Variants in SLC26A3 observed in about 807,000 individuals in gnomAD.
The protein encoded by SLC26A3 is chloride anion exchanger.
Under a neutral mutation model 85.6 loss-of-function variants are expected in SLC26A3, and 64 were observed. The ratio of observed to expected loss-of-function variants is 0.75; its 90% CI spans 0.61 to 0.92. The LOEUF (loss-of-function observed/expected upper bound fraction) is 0.92. SLC26A3 is among the 40% of genes least tolerant of loss of function. The pLI, the probability that SLC26A3 is intolerant of heterozygous loss-of-function variation, is 0.00. For missense variants in SLC26A3, 922 were observed against 927.3 expected, an observed-to-expected ratio of 0.99 and a Z score of 0.07; for synonymous variants, 349 against 336.0, an observed-to-expected ratio of 1.04 and a Z score of -0.42.
intron 13 of SLC26A3, 129 bp from the exon 14 acceptor site, chr7:107,776,835 T>C: frequency 1.2e-6 from 1 of 821,040 alleles, no homozygotes; most frequent in Non-Finnish European, 2.0e-6. Context: ...GGAATCATCA[T>C]GCCATCAGAG....
chr7:107,800,143 A>G (rs1057351856), intron 1 of SLC26A3, among the ~76,000 whole-genome samples: 8 of 152,190 alleles, frequency 5.3e-5, no homozygotes, highest in Non-Finnish European at 1.2e-4. Flanking sequence ...CTCTGTACAC[A>G]TGATTTCCTT....
intron 1 of SLC26A3, among the ~76,000 whole-genome samples, chr7:107,797,739 C>G (rs1794533311): frequency 1.4e-5 from 1 of 70,538 alleles, no homozygotes; most frequent in African/African-American, 8.3e-5. Flanking sequence ...TTGAGCAGGA[C>G]CTTTTTTTTT....
intron 11 of SLC26A3, among the ~76,000 whole-genome samples, chr7:107,781,215 T>G (rs1004414314): frequency 1.5e-4 from 23 of 152,252 alleles, no homozygotes; most frequent in Non-Finnish European, 2.8e-4. Context: ...GCATTTGATA[T>G]AAAGGATTAA....
At chr7:107,784,883 T>A (rs973335716) in intron 8 of SLC26A3, among the ~76,000 whole-genome samples, 5 of 152,250 alleles carry the variant, frequency 3.3e-5, no homozygotes, top group African/African-American at 1.2e-4. Context: ...ACTGTTTCAA[T>A]GAGCACTTTT....
rs1794444842 is a variant in SLC26A3 at position 107,793,756 on chromosome 7, A to G, written c.257T>C (p.Val86Ala). 1.2e-6 allele frequency: 2 copies of G among 1,613,968 alleles called. No individual in the cohort carries two copies. The highest frequency in any genetic ancestry group is 2.7e-5 in the African/African-American group (2 of 74,920). The change falls in exon 3 of 21, where the codon GTG becomes GCG. Residue 86 changes from valine to alanine, a missense_variant. Transcript: ENST00000340010. Reference sequence around the variant, plus strand: ...AAAAATTTTACCTTGTAGTACGGCCACAATCCCTGTGCTGATACCAGAAAC... The same window carrying G: ...AAAAATTTTACCTTGTAGTACGGCCGCAATCCCTGTGCTGATACCAGAAAC... ...DIVSGISTGI[V>A]AVLQGLAFAL...
intron 5 of SLC26A3, among the ~76,000 whole-genome samples, chr7:107,790,210 TC>T (rs897367795): frequency 3.3e-5 from 5 of 152,012 alleles, no homozygotes; most frequent in Admixed American, 6.6e-5. Context: ...GATGGTTAAT[TC>T]CCCCCTAAAG....
At chr7:107,772,255 C>T (rs1584401658) in intron 17 of SLC26A3, 147 bp from the exon 18 acceptor site, 1 of 634,480 alleles carries the variant, frequency 1.6e-6, no homozygotes, top group Non-Finnish European at 2.8e-6. Flanking sequence ...TCAGAAGATA[C>T]TAAAGTTAAA....
intron 17 of SLC26A3, among the ~76,000 whole-genome samples, chr7:107,773,702 C>G (rs1794062226): frequency 6.6e-6 from 1 of 152,168 alleles, no homozygotes; most frequent in South Asian, 2.1e-4. Context: ...AGGTGCACGC[C>G]ACCACACCCA....
chr7:107,779,500 A>G (rs949224498), intron 12 of SLC26A3, among the ~76,000 whole-genome samples, 168 bp downstream of exon 12: 6 of 152,230 alleles, frequency 3.9e-5, no homozygotes, highest in Non-Finnish European at 5.9e-5. Context: ...GAAAATGACC[A>G]TTAGAATATG....
At chr7:107,766,635 G>C (rs955235759) in intron 20 of SLC26A3, among the ~76,000 whole-genome samples, 1 of 151,898 alleles carries the variant, frequency 6.6e-6, no homozygotes, top group African/African-American at 2.4e-5. Context: ...TTTTCATTTT[G>C]ACTAGAAATT....
At chr7:107,791,799 T>C in intron 4 of SLC26A3, 31 bp downstream of exon 4, 1 of 1,332,316 alleles carries the variant, frequency 7.5e-7, no homozygotes, top group Non-Finnish European at 1.1e-6. Flanking sequence ...AAAAACAATG[T>C]GAGCATTAAT....
At chr7:107,766,946 G>T (rs1793927500) in intron 20 of SLC26A3, among the ~76,000 whole-genome samples, 1 of 151,748 alleles carries the variant, frequency 6.6e-6, no homozygotes, top group African/African-American at 2.4e-5. Flanking sequence ...TTGAGATAAT[G>T]AATGTAATAC....
intron 1 of SLC26A3, among the ~76,000 whole-genome samples, chr7:107,795,585 T>C (rs937228546): frequency 6.6e-6 from 1 of 152,210 alleles, no homozygotes; most frequent in African/African-American, 2.4e-5. Context: ...TTGGAAATAC[T>C]TTTTCTTGGG....
intron 20 of SLC26A3, among the ~76,000 whole-genome samples, chr7:107,766,351 C>T (rs1584398376): frequency 6.6e-6 from 1 of 152,046 alleles, no homozygotes; most frequent in Admixed American, 6.6e-5. Context: ...CTATTCCTAC[C>T]CTTTATCCTC....
At position 107,776,391 on chromosome 7, in the gene SLC26A3, A is replaced by G; in HGVS notation, c.1677+61T>C. 2.3e-6 allele frequency: 3 copies of G among 1,321,364 alleles called. No individual in the cohort carries two copies. The South Asian group carries it at 3.5e-5, about 16-fold the overall frequency. 81.9% of individuals were successfully genotyped at this position (1,321,364 alleles called of 1,614,324 possible). A position where few individuals can be genotyped will look rare whatever the true frequency, so the allele number is the denominator to read the frequency against. On this transcript the variant is annotated intron_variant, in intron 15 of 20. Transcript: ENST00000340010. The stretch of plus-strand genomic sequence containing the variant: ...GTCTCAACAATGACCTTACAGAACA[A>G]TGACATTCCCAGAATTCAGTAAGAT...
Position 107,778,218 on chromosome 7 carries a change from T to G in SLC26A3, c.1471A>C (p.Ser491Arg), listed in dbSNP as rs1319297256. ...VLGLGLGLAASVAFQLLTIVF... is the reference protein window; with the variant it reads ...VLGLGLGLAARVAFQLLTIVF... ...ATGGTTAGCAGTTGAAATGCCACAC[T>G]AGCTGCCAGGCCTAACCCGAGTCCC... The change falls in exon 13 of 21, where the codon AGT becomes CGT. Residue 491 changes from serine (S) to arginine (R), a missense_variant. By Grantham distance (110) the Ser-to-Arg change is moderately radical (BLOSUM62 -1). Transcript: ENST00000340010. 1 of 1,613,984 alleles carries G rather than the reference T, an allele frequency of 6.2e-7. No homozygotes were observed. Among genetic ancestry groups the G allele is most frequent in the Non-Finnish European group, 8.5e-7 (1 of 1,179,922 alleles).
In SLC26A3 at chr7:107,778,516, C is replaced by T. The variant is rs977520775; in HGVS notation, c.1408-235G>A. On this transcript the variant is annotated intron_variant, in intron 12 of 20. Transcript: ENST00000340010. Reference sequence around the variant, plus strand: ...TCCCAAGAGGTCATTTCTGCTGGCTCAGGTTCTGGGCCACAAAAACACACA... The same window carrying T: ...TCCCAAGAGGTCATTTCTGCTGGCTTAGGTTCTGGGCCACAAAAACACACA... Among the ~76,000 whole-genome samples the T allele has an allele frequency of 2.0e-5, 3 of 151,944 alleles. No homozygotes were observed. In the South Asian group the frequency reaches 6.2e-4, roughly 32 times the overall value.
At chr7:107,780,509 T>A (rs1046117534) in intron 11 of SLC26A3, among the ~76,000 whole-genome samples, 2 of 152,194 alleles carry the variant, frequency 1.3e-5, no homozygotes, top group Non-Finnish European at 2.9e-5. Context: ...TTTATCGTAA[T>A]TGTAGGAACA....
At chr7:107,771,685 A>G (rs1794033430) in intron 18 of SLC26A3, among the ~76,000 whole-genome samples, 1 of 152,202 alleles carries the variant, frequency 6.6e-6, no homozygotes, top group Admixed American at 6.5e-5. Flanking sequence ...AACCTTGGCA[A>G]GGATGGTCTC....
Sources: gnomAD v4.1 joint callset for allele counts (sites outside exome capture counted in the v4.1 genomes callset) on GRCh38, gnomAD v4.1.1 for gene constraint, MANE v1.5 for transcripts, NCBI Gene and HGNC (gene_info 2026-07-23, HGNC 2026-07-21) for gene names.